ATP13A3: variants seen among roughly 807,000 people sequenced by gnomAD.
The protein encoded by ATP13A3 is ATPase 13A3.
Under a neutral mutation model 158.1 loss-of-function variants are expected in ATP13A3, and 59 were observed. The observed-to-expected ratio is 0.37, with a 90% CI of 0.30 to 0.46. The LOEUF (loss-of-function observed/expected upper bound fraction) is 0.46. ATP13A3 is among the 20% of genes least tolerant of loss of function. The pLI, the probability that ATP13A3 is intolerant of heterozygous loss-of-function variation, is 1.00. For synonymous variants in ATP13A3, 491 were observed against 504.3 expected (o/e 0.97, Z 0.35); for missense variants, 1,166 against 1,525.2 (o/e 0.76, Z 3.92).
At chr3:194,409,021 G>A (rs1715158914) in intron 33 of ATP13A3, among the ~76,000 whole-genome samples, 1 of 152,170 alleles carries the variant, frequency 6.6e-6, no homozygotes, top group African/African-American at 2.4e-5. Context: ...CCCTAAAGCA[G>A]AACACAGTAG....
chr3:194,461,199 T>A (rs182762430), intron 3 of ATP13A3, among the ~76,000 whole-genome samples: 10 of 152,318 alleles, frequency 6.6e-5, no homozygotes, highest in South Asian at 4.1e-4. Flanking sequence ...GCTTTTTTTT[T>A]AAATAAACAT....
rs191850537 is a variant in ATP13A3 at position 194,450,393 on chromosome 3, T to G, written c.839-117A>C. 6.9e-6 allele frequency: 7 copies of G among 1,016,606 alleles called. No homozygotes were observed. The Admixed American group carries it at 1.7e-4, about 25-fold the overall frequency. 63.0% of individuals were successfully genotyped at this position (1,016,606 alleles called of 1,614,324 possible). Reference sequence around the variant, plus strand: ...ATAAGAAGTTTATAATGGGGTAAAATAGAAAAATCCAACAAATGGCAAGTT... The same window carrying G: ...ATAAGAAGTTTATAATGGGGTAAAAGAGAAAAATCCAACAAATGGCAAGTT... On this transcript the variant is annotated intron_variant, in intron 10 of 33. Transcript: ENST00000645319.
Position 194,448,614 on chromosome 3 carries a change from CTT to C in ATP13A3, c.991_992del (p.Lys331AspfsTer2). On this transcript the variant is annotated frameshift_variant, in exon 12 of 34. Coordinates refer to ENST00000645319, the MANE Select transcript of ATP13A3 (RefSeq NM_001367549.1). LOFTEE classifies it high-confidence loss of function. The surrounding 1 kb of genome is among the most constrained non-coding windows in gnomAD (Gnocchi z 4.0). ...CCACTGAAGGATTTGGCAAATTAGT[CTT>C]TGTCACTGGAACACTTTCTCCTTTA... ...MLTGESVPVTKTNLPNPSVDV... is the reference protein window; with the variant it reads ...MLTGESVPVTXTNLPNPSVDV... 1 of 1,612,402 alleles carries C rather than the reference CTT, an allele frequency of 6.2e-7. No individual in the cohort carries two copies. The highest frequency in any genetic ancestry group is 8.5e-7 in the Non-Finnish European group (1 of 1,179,494).
intron 6 of ATP13A3, 165 bp downstream of exon 6, chr3:194,459,306 G>A: frequency 1.7e-6 from 1 of 605,386 alleles, no homozygotes; most frequent in East Asian, 2.9e-5. Flanking sequence ...ATTTTAAAAT[G>A]GCTAATGAGC....
At chr3:194,449,747 A>G (rs1488506938) in intron 11 of ATP13A3, among the ~76,000 whole-genome samples, 1 of 152,130 alleles carries the variant, frequency 6.6e-6, no homozygotes, top group African/African-American at 2.4e-5. Context: ...TTCCAAAGGG[A>G]AGTCATTTTA....
chr3:194,446,614 T>C (rs1718427941), intron 14 of ATP13A3, among the ~76,000 whole-genome samples: 3 of 152,224 alleles, frequency 2.0e-5, no homozygotes, highest in Admixed American at 2.0e-4. Flanking sequence ...TAGATCTTTA[T>C]TTAGAAGTTT....
At position 194,403,852 on chromosome 3, in the gene ATP13A3, T is replaced by C; in HGVS notation, c.*2067A>G. 1 of 256,152 alleles carries C rather than the reference T, an allele frequency of 3.9e-6. No individual in the cohort carries two copies. Among genetic ancestry groups the C allele is most frequent in the Non-Finnish European group, 7.6e-6 (1 of 130,760 alleles). The allele number at this position is 256,152 out of a possible 1,614,324, so 15.9% of individuals were successfully genotyped here. On this transcript the variant is annotated 3_prime_UTR_variant, in exon 34 of 34. Transcript: ENST00000645319. ...CTTTTCCAGCCACCTAAACACCTCA[T>C]TCCTTTGAAAACAATATGGACAGAA...
In ATP13A3 at chr3:194,433,849, T is replaced by C. The variant is rs376083047; in HGVS notation, c.2168A>G (p.Gln723Arg). ...AGGGGTTTCTTGCTTTAATTTGTTC[T>C]GCATTATAATTAATCCCATAAAATC... ...NMDFMGLIIM[Q>R]NKLKQETPAV... is the part of the protein sequence containing the mutation. The change falls in exon 21 of 34, where the codon CAG becomes CGG. Residue 723 changes from glutamine to arginine, a missense_variant. This residue lies in a region of ATP13A3 where 997 missense variants were observed against 1,341.2 expected (regional missense o/e 0.74). Transcript: ENST00000645319. 314 of 1,613,860 alleles carry C rather than the reference T, an allele frequency of 1.9e-4. No individual in the cohort carries two copies. The highest frequency in any genetic ancestry group is 2.6e-4 in the Non-Finnish European group (305 of 1,179,860).
In ATP13A3 at chr3:194,460,575, C is replaced by T. The variant is rs575466323; in HGVS notation, c.225+83G>A. ...TTTATCCAGGCAGCGATGTTCCCTT[C>T]ATCTATTATTTCGAATAAAGTATAC... On this transcript the variant is annotated intron_variant, in intron 4 of 33. Coordinates refer to ENST00000645319, the MANE Select transcript of ATP13A3 (RefSeq NM_001367549.1). 7 of 1,381,668 alleles carry T rather than the reference C, an allele frequency of 5.1e-6. No homozygotes were observed. In the African/African-American group the frequency reaches 8.7e-5, roughly 17 times the overall value. The allele number at this position is 1,381,668 out of a possible 1,614,324, so 85.6% of individuals were successfully genotyped here.
At chr3:194,433,653 T>C in intron 21 of ATP13A3, 119 bp downstream of exon 21, 1 of 1,277,816 alleles carries the variant, frequency 7.8e-7, no homozygotes, top group South Asian at 1.8e-5. Context: ...AAAAGAGAAC[T>C]TAGGTTGAAA....
At chr3:194,450,451 C>A in intron 10 of ATP13A3, 175 bp from the exon 11 acceptor site, 3 of 606,214 alleles carry the variant, frequency 4.9e-6, no homozygotes, top group Non-Finnish European at 5.6e-6. Context: ...TAACAAAGCA[C>A]GGTGTGTCAG....
At chr3:194,468,777 T>C (rs760935711) in intron 2 of ATP13A3, among the ~76,000 whole-genome samples, 11 of 152,184 alleles carry the variant, frequency 7.2e-5, no homozygotes, top group South Asian at 4.1e-4. Context: ...TGTAATCAAG[T>C]AAAAGTTCAG....
At chr3:194,465,290 G>A (rs1342843142) in intron 2 of ATP13A3, among the ~76,000 whole-genome samples, 1 of 152,126 alleles carries the variant, frequency 6.6e-6, no homozygotes, top group Admixed American at 6.5e-5. Context: ...GGAAGTCTGG[G>A]GAAGCACCAA....
intron 10 of ATP13A3, 132 bp from the exon 11 acceptor site, chr3:194,450,408 A>T (rs1718722563): frequency 2.3e-6 from 2 of 859,432 alleles, no homozygotes; most frequent in African/African-American, 3.4e-5. Flanking sequence ...AAATCCAACA[A>T]ATGGCAAGTT....
At position 194,448,006 on chromosome 3, in the gene ATP13A3, A is replaced by G; in HGVS notation, c.1154T>C (p.Phe385Ser). 1 of 1,594,436 alleles carries G rather than the reference A, an allele frequency of 6.3e-7. No homozygotes were observed. Among genetic ancestry groups the G allele is most frequent in the Non-Finnish European group, 8.6e-7 (1 of 1,167,864 alleles). ...LVKAIVVRTG[F>S]STSKGQLVRS... is the part of the protein sequence containing the mutation. ...AACAAGCTGTCCTTTGGAAGTACTA[A>G]ATCCTTTCAAAAAAAGAAGACAATT... Residue 385 changes from phenylalanine to serine, a missense_variant, in exon 13 of 34, where the codon TTT becomes TCT. Phe to Ser is a radical substitution (Grantham distance 155). Coordinates refer to ENST00000645319, the MANE Select transcript of ATP13A3 (RefSeq NM_001367549.1). The surrounding 1 kb of genome is among the most constrained non-coding windows in gnomAD (Gnocchi z 4.0).
chr3:194,420,036 C>A, intron 30 of ATP13A3, 69 bp from the exon 31 acceptor site: 2 of 1,418,038 alleles, frequency 1.4e-6, no homozygotes, highest in Non-Finnish European at 1.8e-6. Context: ...CATCCAATAA[C>A]AGCTGGTATA....
At chr3:194,445,074 T>C (rs1447772242) in intron 14 of ATP13A3, among the ~76,000 whole-genome samples, 1 of 151,140 alleles carries the variant, frequency 6.6e-6, no homozygotes, top group Non-Finnish European at 1.5e-5. Flanking sequence ...AAAAAATCAA[T>C]GGAAGGATGC....
Position 194,448,680 on chromosome 3 carries a change from TAAAC to T in ATP13A3, c.971-48_971-45del. 2 of 1,568,528 alleles carry T rather than the reference TAAAC, an allele frequency of 1.3e-6. No individual in the cohort carries two copies. Among genetic ancestry groups the T allele is most frequent in the Non-Finnish European group, 1.7e-6 (2 of 1,154,654 alleles). On this transcript the variant is annotated intron_variant, in intron 11 of 33. Coordinates refer to ENST00000645319, the MANE Select transcript of ATP13A3 (RefSeq NM_001367549.1). This position sits in a 1 kb window ranked among gnomAD's most constrained non-coding sequence, Gnocchi z 4.0. ...ACAACAAAAACAGTTTACAAATTAT[TAAAC>T]GAAAGCACAGGAATCAGTATCGAAC...
At chr3:194,437,748 T>C (rs897117503) in intron 17 of ATP13A3, among the ~76,000 whole-genome samples, 175 bp from the exon 18 acceptor site, 1 of 152,252 alleles carries the variant, frequency 6.6e-6, no homozygotes, top group Non-Finnish European at 1.5e-5. Flanking sequence ...TTAAAAAGTA[T>C]GTTCTTAAAT....
Sources: allele counts gnomAD v4.1 joint callset (sites outside exome capture counted in the v4.1 genomes callset), GRCh38; gene constraint gnomAD v4.1.1; regional missense constraint gnomAD v4.1.1; non-coding constraint Gnocchi (gnomAD v3.1); transcripts MANE v1.5; gene names NCBI Gene and HGNC (gene_info 2026-07-23, HGNC 2026-07-21).